Variants in ZFYVE9 observed in about 807,000 individuals in gnomAD.
ZFYVE9 encodes the protein zinc finger FYVE-type containing 9.
A neutral mutation model predicts 126.7 loss-of-function variants in ZFYVE9; 43 were observed. That is an observed-to-expected ratio of 0.34 (90% CI 0.27 to 0.44). The LOEUF (loss-of-function observed/expected upper bound fraction) is 0.44. ZFYVE9 is among the 20% of genes least tolerant of loss of function. The pLI, the probability that ZFYVE9 is intolerant of heterozygous loss-of-function variation, is 1.00. For synonymous variants in ZFYVE9, 521 were observed against 597.4 expected, an observed-to-expected ratio of 0.87 and a Z score of 1.87; for missense variants, 1,476 against 1,697.0, an observed-to-expected ratio of 0.87 and a Z score of 2.29.
intron 1 of ZFYVE9, among the ~76,000 whole-genome samples, chr1:52,186,462 C>G (rs1048203439): frequency 1.3e-5 from 2 of 152,058 alleles, no homozygotes; most frequent in Non-Finnish European, 2.9e-5. Context: ...ATTGGAAGTC[C>G]TGGCCAGGGA....
intron 1 of ZFYVE9, among the ~76,000 whole-genome samples, chr1:52,188,236 T>C (rs12409442): frequency 0.97 from 147,683 of 152,188 alleles, 71,672 homozygotes; most frequent in East Asian, 1. Context: ...ACAGAAACCG[T>C]ATACCACGTG....
At chr1:52,193,971 A>G (rs1448829190) in intron 1 of ZFYVE9, among the ~76,000 whole-genome samples, 1 of 152,070 alleles carries the variant, frequency 6.6e-6, no homozygotes, top group Non-Finnish European at 1.5e-5. Flanking sequence ...TTCTATGTGT[A>G]CAATTAAAGT....
intron 1 of ZFYVE9, among the ~76,000 whole-genome samples, chr1:52,181,703 G>A (rs910704201): frequency 4.7e-5 from 7 of 148,144 alleles, no homozygotes; most frequent in South Asian, 4.3e-4. Flanking sequence ...GCCGCCCATC[G>A]TCTGAGATGT....
At chr1:52,152,612 A>G (rs1256097184) in intron 1 of ZFYVE9, among the ~76,000 whole-genome samples, 2 of 152,250 alleles carry the variant, frequency 1.3e-5, no homozygotes, top group East Asian at 3.8e-4. Flanking sequence ...AAAGATGACA[A>G]GACAGTATCC....
At chr1:52,227,830 G>T (rs1645183764) in intron 2 of ZFYVE9, among the ~76,000 whole-genome samples, 1 of 152,114 alleles carries the variant, frequency 6.6e-6, no homozygotes, top group African/African-American at 2.4e-5. Flanking sequence ...TGTAGCTCCT[G>T]GCTTCATGTA....
intron 16 of ZFYVE9, among the ~76,000 whole-genome samples, chr1:52,338,882 A>G (rs187221435): frequency 6.6e-6 from 1 of 152,110 alleles, no homozygotes; most frequent in South Asian, 2.1e-4. Context: ...GTGGTGGTAC[A>G]TGCCTGTAAT....
At position 52,316,507 on chromosome 1, in the gene ZFYVE9, G is replaced by A. The variant is rs534640647; in HGVS notation, c.3438+12582G>A. ...TCAAAAAAAAAAAAAAAACTAAATG[G>A]GTAGAAAAGATAGCATAGTAATATT... is the stretch of plus-strand genomic sequence containing the variant. On this transcript the variant is annotated intron_variant, in intron 13 of 18. Transcript: ENST00000287727. 5.3e-5 allele frequency among the ~76,000 whole-genome samples: 8 copies of A among 151,556 alleles called. No homozygotes were observed. The South Asian group carries it at 1.0e-3, about 20-fold the overall frequency.
intron 1 of ZFYVE9, chr1:52,179,834 A>G (rs925518185): frequency 3.1e-6 from 2 of 639,882 alleles, no homozygotes; most frequent in African/African-American, 3.6e-5. Context: ...GGCTTCAGCA[A>G]TTGGAAACAA....
At chr1:52,168,804 C>T (rs780869807) in intron 1 of ZFYVE9, among the ~76,000 whole-genome samples, 1 of 152,116 alleles carries the variant, frequency 6.6e-6, no homozygotes, top group Non-Finnish European at 1.5e-5. Flanking sequence ...GTATGAGCCA[C>T]CACGCCTAGC....
chr1:52,332,910 C>T lies in ZFYVE9; in HGVS notation c.3581C>T (p.Pro1194Leu), dbSNP rs746905761. The T allele has an allele frequency of 6.2e-6, 10 of 1,613,782 alleles. No homozygotes were observed. Among genetic ancestry groups the T allele is most frequent in the South Asian group, 1.1e-5 (1 of 91,024 alleles). The change falls in exon 14 of 19, where the codon CCC becomes CTC. Residue 1194 changes from proline to leucine, a missense_variant. This residue lies in a region of ZFYVE9 where 669 missense variants were observed against 902.4 expected (regional missense o/e 0.74). Transcript: ENST00000287727. Reference protein sequence around the residue: ...QTQAISIHNQPRKVTGASFFV... With the variant: ...QTQAISIHNQLRKVTGASFFV... ...CAGGCTATCAGTATTCACAATCAGC[C>T]CAGAAAAGGTGAGCATTTGAGCTGG...
chr1:52,259,220 C>G (rs537415631), intron 4 of ZFYVE9, among the ~76,000 whole-genome samples: 1 of 151,978 alleles, frequency 6.6e-6, no homozygotes, highest in South Asian at 2.1e-4. Flanking sequence ...ATATTTGCCT[C>G]TTTTATAAGG....
At chr1:52,229,231 T>C (rs1645195993) in intron 2 of ZFYVE9, among the ~76,000 whole-genome samples, 1 of 152,182 alleles carries the variant, frequency 6.6e-6, no homozygotes, top group Admixed American at 6.5e-5. Flanking sequence ...ATTTGTCTTA[T>C]TGTCTCCTCA....
At chr1:52,317,245 G>GCCAC (rs1392914817) in intron 13 of ZFYVE9, among the ~76,000 whole-genome samples, 1 of 152,140 alleles carries the variant, frequency 6.6e-6, no homozygotes, top group Non-Finnish European at 1.5e-5. Flanking sequence ...AAGGCCAGGT[G>GCCAC]CGGTGGCTCA....
At chr1:52,323,296 C>T (rs1408456622) in intron 13 of ZFYVE9, among the ~76,000 whole-genome samples, 1 of 152,222 alleles carries the variant, frequency 6.6e-6, no homozygotes, top group Non-Finnish European at 1.5e-5. Context: ...TCTGACTCTC[C>T]TATTTAAAAT....
At chr1:52,146,908 T>G (rs1330949592) in intron 1 of ZFYVE9, among the ~76,000 whole-genome samples, 1 of 152,172 alleles carries the variant, frequency 6.6e-6, no homozygotes, top group Non-Finnish European at 1.5e-5. Flanking sequence ...TGAGCATCCC[T>G]AATCCAAAAG....
At chr1:52,342,375 C>T (rs911226814) in intron 17 of ZFYVE9, among the ~76,000 whole-genome samples, 12 of 150,572 alleles carry the variant, frequency 8.0e-5, no homozygotes, top group Non-Finnish European at 1.8e-4. Flanking sequence ...ACACCATTCT[C>T]CTGCCTCAGC....
In ZFYVE9 at chr1:52,266,606, T is replaced by G. The variant is rs563386033; in HGVS notation, c.2279-49T>G. 82 of 1,483,634 alleles carry G rather than the reference T, an allele frequency of 5.5e-5. No homozygotes were observed. The East Asian group carries it at 1.8e-3, about 33-fold the overall frequency. The allele number at this position is 1,483,634 out of a possible 1,614,324, so 91.9% of individuals were successfully genotyped here. A position where few individuals can be genotyped will look rare whatever the true frequency, so the allele number is the denominator to read the frequency against. On this transcript the variant is annotated intron_variant, in intron 5 of 18. Transcript: ENST00000287727. Reference sequence around the variant, plus strand: ...ATCCAATATTGTGGAGGTCTTGATGTCCATATTTTGCAATCCATTCACATT... The same window carrying G: ...ATCCAATATTGTGGAGGTCTTGATGGCCATATTTTGCAATCCATTCACATT...
intron 13 of ZFYVE9, among the ~76,000 whole-genome samples, chr1:52,328,413 G>A (rs1384423739): frequency 6.6e-6 from 1 of 152,102 alleles, no homozygotes; most frequent in Non-Finnish European, 1.5e-5. Context: ...TTTGTTTTAT[G>A]GTCAGTAAGG....
At chr1:52,194,977 G>A (rs1464971710) in intron 1 of ZFYVE9, among the ~76,000 whole-genome samples, 2 of 152,012 alleles carry the variant, frequency 1.3e-5, no homozygotes, top group African/African-American at 2.4e-5. Flanking sequence ...ATGCTAAATA[G>A]CATGTATGAA....
Sources: allele counts gnomAD v4.1 joint callset (sites outside exome capture counted in the v4.1 genomes callset), GRCh38; gene constraint gnomAD v4.1.1; regional missense constraint gnomAD v4.1.1; transcripts MANE v1.5; gene names NCBI Gene and HGNC (gene_info 2026-07-23, HGNC 2026-07-21).